Variants in INTS6 observed in about 807,000 individuals in gnomAD.
INTS6 encodes the protein integrator complex subunit 6.
In INTS6, 16 loss-of-function variants were observed where a neutral mutation model predicts 104.9. The observed-to-expected ratio is 0.15, with a 90% CI of 0.10 to 0.23. The LOEUF is 0.23. Ranked by LOEUF, INTS6 falls within the 10% of genes least tolerant of loss-of-function variation. The pLI is 1.00. For synonymous variants in INTS6, 324 were observed against 358.7 expected, an observed-to-expected ratio of 0.90 and a Z score of 1.09; for missense variants, 584 against 1,062.8, an observed-to-expected ratio of 0.55 and a Z score of 6.26.
downstream of INTS6, among the ~76,000 whole-genome samples, chr13:51,360,075 G>A (rs1390017353): frequency 2.6e-5 from 4 of 152,078 alleles, no homozygotes; most frequent in Non-Finnish European, 5.9e-5. Context: ...CTTACAAGAT[G>A]GATGGAATGC....
intron 4 of INTS6, chr13:51,421,031 A>G: frequency 1.7e-6 from 1 of 603,814 alleles, no homozygotes. Flanking sequence ...TTATCAGTTT[A>G]GGGTTGTCAT....
intron 2 of INTS6, 120 bp from the exon 3 acceptor site, chr13:51,451,294 G>A: frequency 1.4e-6 from 1 of 690,108 alleles, no homozygotes; most frequent in South Asian, 3.1e-5. Context: ...CTTGGTTAAC[G>A]TGTTAATACT....
At chr13:51,341,118 C>T in the INTS6 span, 1 of 1,613,898 alleles carries the variant, frequency 6.2e-7, no homozygotes, top group Non-Finnish European at 8.5e-7. Flanking sequence ...TCACCCTCTT[C>T]CTCTTTCACT....
At chr13:51,358,169 T>C (rs1955510375), downstream of INTS6, among the ~76,000 whole-genome samples, 1 of 152,060 alleles carries the variant, frequency 6.6e-6, no homozygotes, top group Non-Finnish European at 1.5e-5. Context: ...TTTCTCTCTC[T>C]AGCCCCCTCT....
intron 3 of INTS6, chr13:51,450,614 C>G (rs542902364): frequency 3.3e-5 from 33 of 986,052 alleles, no homozygotes; most frequent in Non-Finnish European, 4.0e-5. Flanking sequence ...CCTGATGCAA[C>G]AAACAGATTA....
intron 7 of INTS6, among the ~76,000 whole-genome samples, chr13:51,386,644 A>G (rs1440828775): frequency 6.6e-6 from 1 of 152,146 alleles, no homozygotes; most frequent in Non-Finnish European, 1.5e-5. Context: ...GTTGTATCAA[A>G]CATTATTAGA....
chr13:51,353,935 A>T (rs550039600), downstream of INTS6: 62 of 152,256 alleles, frequency 4.1e-4, no homozygotes, highest in African/African-American at 1.5e-3. Flanking sequence ...TTCAACAGTA[A>T]ATTTTTAAAT....
intron 4 of INTS6, among the ~76,000 whole-genome samples, chr13:51,409,470 T>C (rs1478576302): frequency 6.6e-6 from 1 of 151,868 alleles, no homozygotes; most frequent in Admixed American, 6.6e-5. Flanking sequence ...TCAGTAACAG[T>C]TTTTCATAGT....
chr13:51,416,121 TC>T (rs1956782608), intron 4 of INTS6, among the ~76,000 whole-genome samples: 1 of 152,098 alleles, frequency 6.6e-6, no homozygotes, highest in South Asian at 2.1e-4. Context: ...GAATCAAAAG[TC>T]AGACTGTAAT....
intron 4 of INTS6, 121 bp from the exon 5 acceptor site, chr13:51,395,604 A>C: frequency 1.2e-6 from 1 of 827,516 alleles, no homozygotes; most frequent in Non-Finnish European, 1.8e-6. Flanking sequence ...AAACAAGCTC[A>C]AATATAAAAG....
chr13:51,448,528 A>G (rs1952969515), intron 3 of INTS6: 1 of 152,204 alleles, frequency 6.6e-6, no homozygotes, highest in South Asian at 2.1e-4. Flanking sequence ...ATAGCATCCT[A>G]GCTAATAATT....
chr13:51,425,713 G>A (rs1956972212), intron 4 of INTS6, among the ~76,000 whole-genome samples: 1 of 151,944 alleles, frequency 6.6e-6, no homozygotes, highest in South Asian at 2.1e-4. Flanking sequence ...GTACTAGAGA[G>A]GATTATCTGC....
rs1440060949 is a variant in INTS6 at position 51,374,862 on chromosome 13, A to G, written c.1730-66T>C. ...ATTAGTTCTCAAATAATGTTTCCTT[A>G]TATATGAATGCTACCTAGTGTTATT... is the stretch of plus-strand genomic sequence containing the variant. On this transcript the variant is annotated intron_variant, in intron 13 of 17. Transcript: ENST00000311234. The G allele has an allele frequency of 5.9e-6, 9 of 1,514,274 alleles. No individual in the cohort carries two copies. The African/African-American group carries it at 1.2e-4, about 21-fold the overall frequency. 93.8% of individuals were successfully genotyped at this position (1,514,274 alleles called of 1,614,324 possible).
intron 5 of INTS6, among the ~76,000 whole-genome samples, chr13:51,393,577 G>T (rs903075223): frequency 6.6e-6 from 1 of 152,038 alleles, no homozygotes; most frequent in African/African-American, 2.4e-5. Flanking sequence ...ACATTTGAGC[G>T]GCTTACTCTT....
At chr13:51,355,974 G>A (rs562184370) in intron 3 of INTS6, among the ~76,000 whole-genome samples, 1 of 152,270 alleles carries the variant, frequency 6.6e-6, no homozygotes, top group South Asian at 2.1e-4. Flanking sequence ...ACATCATAAT[G>A]TGGACTTTTC....
At chr13:51,435,567 AT>A (rs1480163510) in intron 3 of INTS6, among the ~76,000 whole-genome samples, 1 of 152,048 alleles carries the variant, frequency 6.6e-6, no homozygotes, top group Non-Finnish European at 1.5e-5. Context: ...AACCTATGTT[AT>A]TTTTGAAAGA....
At chr13:51,423,031 T>G (rs1332981113) in intron 4 of INTS6, 1 of 1,269,372 alleles carries the variant, frequency 7.9e-7, no homozygotes, top group Non-Finnish European at 1.0e-6. Context: ...TTTACTTGCC[T>G]GTCTTCAAAG....
At chr13:51,446,774 A>G (rs1277657923) in intron 3 of INTS6, 1 of 152,250 alleles carries the variant, frequency 6.6e-6, no homozygotes, top group Non-Finnish European at 1.5e-5. Context: ...TGTTGAGAAC[A>G]TTATGCTAAG....
chr13:51,420,467 A>C (rs934120721), intron 4 of INTS6, among the ~76,000 whole-genome samples: 1 of 152,088 alleles, frequency 6.6e-6, no homozygotes, highest in African/African-American at 2.4e-5. Flanking sequence ...AGAGGCCCAG[A>C]ATTAAACTTT....
Sources: allele counts gnomAD v4.1 joint callset (sites outside exome capture counted in the v4.1 genomes callset), GRCh38; gene constraint gnomAD v4.1.1; transcripts MANE v1.5; gene names NCBI Gene and HGNC (gene_info 2026-07-23, HGNC 2026-07-21).